Variants in MYCBP2 observed in about 807,000 individuals in gnomAD.
MYCBP2 encodes MYC binding protein 2, also known as E3 ubiquitin-protein ligase MYCBP2.
A neutral mutation model predicts 525.3 loss-of-function variants in MYCBP2; 120 were observed. That is an observed-to-expected ratio of 0.23 (90% CI 0.20 to 0.27). The LOEUF is 0.27. MYCBP2 is among the 10% of genes least tolerant of loss of function. The pLI, the probability that MYCBP2 is intolerant of heterozygous loss-of-function variation, is 1.00. For synonymous variants in MYCBP2, 1,894 were observed against 1,955.8 expected, an observed-to-expected ratio of 0.97 and a Z score of 0.83; for missense variants, 4,149 against 5,657.1, an observed-to-expected ratio of 0.73 and a Z score of 8.55.
intron 14 of MYCBP2, among the ~76,000 whole-genome samples, chr13:77,256,524 A>G (rs1451067316): frequency 6.6e-6 from 1 of 152,108 alleles, no homozygotes; most frequent in Non-Finnish European, 1.5e-5. Context: ...ATTCACAAAT[A>G]TAACGTCAAA....
chr13:77,216,110 C>T (rs990451743), intron 21 of MYCBP2, among the ~76,000 whole-genome samples: 3 of 152,036 alleles, frequency 2.0e-5, no homozygotes, highest in African/African-American at 7.3e-5. Flanking sequence ...AAAGGAAGCA[C>T]TCCAAAAAAT....
chr13:77,168,277 C>T, intron 40 of MYCBP2, 151 bp downstream of exon 40: 1 of 602,074 alleles, frequency 1.7e-6, no homozygotes, highest in South Asian at 2.3e-5. Context: ...TTTTATATAT[C>T]CAACAGTGCC....
chr13:77,204,080 A>C (rs1593851019), intron 26 of MYCBP2, among the ~76,000 whole-genome samples: 2 of 149,972 alleles, frequency 1.3e-5, no homozygotes, highest in East Asian at 3.9e-4. Flanking sequence ...TCTGCACAGC[A>C]AAAGAAACTA....
chr13:77,105,039 T>C (rs2047643442), intron 55 of MYCBP2, among the ~76,000 whole-genome samples: 1 of 152,084 alleles, frequency 6.6e-6, no homozygotes, highest in Non-Finnish European at 1.5e-5. Context: ...AGGAGGGTGA[T>C]ACAATTCTTC....
intron 61 of MYCBP2, among the ~76,000 whole-genome samples, chr13:77,088,487 A>G (rs1851714760): frequency 6.6e-6 from 1 of 152,136 alleles, no homozygotes; most frequent in African/African-American, 2.4e-5. Flanking sequence ...CTTACCACTC[A>G]AAAGCCCTAC....
At chr13:77,188,869 T>C in intron 30 of MYCBP2, 82 bp downstream of exon 30, 1 of 882,452 alleles carries the variant, frequency 1.1e-6, no homozygotes, top group South Asian at 2.2e-5. Flanking sequence ...AAGATAAACT[T>C]ACAAGAGCAG....
At position 77,264,036 on chromosome 13, in the gene MYCBP2, C is replaced by G. The variant is rs751015033; in HGVS notation, c.1358-34G>C. ...AAGAAAAAGTATTTATATTACAATA[C>G]AAGCAAACACCTTGCAAAATGAATT... On this transcript the variant is annotated intron_variant, in intron 8 of 82. Coordinates refer to ENST00000544440, the MANE Select transcript of MYCBP2 (RefSeq NM_015057.5). 40 of 1,554,828 alleles carry G rather than the reference C, an allele frequency of 2.6e-5. 1 individual carries two copies. Among genetic ancestry groups the G allele is most frequent in the Middle Eastern group, 1.9e-4 (1 of 5,250 alleles).
At position 77,181,818 on chromosome 13, in the gene MYCBP2, A is replaced by C. The variant is rs1219036045; in HGVS notation, c.4824T>G (p.Ile1608Met). The C allele has an allele frequency of 4.3e-6, 7 of 1,614,138 alleles. No individual in the cohort carries two copies. In the Admixed American group the frequency reaches 1.2e-4, roughly 27 times the overall value. The part of the protein sequence containing the change: ...TSVKLTSIFP[I>M]AYDGEVLLRS... The stretch of plus-strand genomic sequence containing the variant: ...GTAGTAATACTTCTCCATCATACGC[A>C]ATCGGGAAGATGGAAGTCAGCTTAA... The change falls in exon 33 of 83, where the codon ATT becomes ATG. Residue 1608 changes from isoleucine (I) to methionine (M), a missense_variant. Ile to Met is a conservative substitution (Grantham distance 10). This residue lies in a region of MYCBP2 where 292 missense variants were observed against 330.5 expected (regional missense o/e 0.88). Coordinates refer to ENST00000544440, the MANE Select transcript of MYCBP2 (RefSeq NM_015057.5).
intron 47 of MYCBP2, among the ~76,000 whole-genome samples, chr13:77,146,800 T>G (rs764920850): frequency 2.0e-5 from 3 of 152,204 alleles, no homozygotes; most frequent in Non-Finnish European, 4.4e-5. Context: ...CAGCACCTGC[T>G]ACTTTCATAC....
At chr13:77,089,648 T>C (rs868306845) in intron 60 of MYCBP2, among the ~76,000 whole-genome samples, 2,598 of 147,016 alleles carry the variant, frequency 0.018, 49 homozygotes, top group African/African-American at 0.046. Context: ...CATGTAACTG[T>C]TTTTTTTTTT....
In MYCBP2 at chr13:77,138,066, G is replaced by A. The variant is rs148227333; in HGVS notation, c.7659+1130C>T. 8.5e-5 allele frequency among the ~76,000 whole-genome samples: 13 copies of A among 152,164 alleles called. No individual in the cohort carries two copies. In the East Asian group the frequency reaches 1.5e-3, roughly 18 times the overall value. ...AAATCTGAGGAAAATTTAATAAGAC[G>A]TAATTGATGTAATTTTTTAATTTAA... is the stretch of plus-strand genomic sequence containing the variant. On this transcript the variant is annotated intron_variant, in intron 52 of 82. Coordinates refer to ENST00000544440, the MANE Select transcript of MYCBP2 (RefSeq NM_015057.5).
chr13:77,169,321 G>A (rs180920398), intron 39 of MYCBP2, among the ~76,000 whole-genome samples: 2 of 151,196 alleles, frequency 1.3e-5, no homozygotes, highest in Non-Finnish European at 3.0e-5. Flanking sequence ...GCGTGAACCC[G>A]GAAGGCGGAG....
chr13:77,318,003 T>TAACATAACATAACATAACATAAC (rs2081174064), intron 1 of MYCBP2, among the ~76,000 whole-genome samples: 1 of 143,690 alleles, frequency 7.0e-6, no homozygotes, highest in Non-Finnish European at 1.5e-5. Flanking sequence ...TAACATAACA[T>TAACATAACATAACATAACATAAC]AACAGTGGGT....
At chr13:77,127,481 T>G (rs944093877) in intron 52 of MYCBP2, among the ~76,000 whole-genome samples, 1 of 151,934 alleles carries the variant, frequency 6.6e-6, no homozygotes, top group Admixed American at 6.6e-5. Flanking sequence ...TCATTACTCC[T>G]TTAAAAGAGA....
At chr13:77,168,401 C>A in intron 40 of MYCBP2, 27 bp downstream of exon 40, 1 of 1,596,344 alleles carries the variant, frequency 6.3e-7, no homozygotes, top group Non-Finnish European at 8.6e-7. Flanking sequence ...GTTTTACATT[C>A]GAATCACACT....
chr13:77,282,377 T>C (rs1357446698), intron 3 of MYCBP2, among the ~76,000 whole-genome samples: 1 of 151,504 alleles, frequency 6.6e-6, no homozygotes, highest in Non-Finnish European at 1.5e-5. Flanking sequence ...GCCACTGCAC[T>C]TCAGCCTGGG....
At chr13:77,131,410 G>C (rs770000639) in intron 52 of MYCBP2, among the ~76,000 whole-genome samples, 1 of 151,696 alleles carries the variant, frequency 6.6e-6, no homozygotes, top group Non-Finnish European at 1.5e-5. Context: ...TCACAGCTAC[G>C]TGGGAAGCTG....
chr13:77,270,085 G>A, intron 6 of MYCBP2, 22 bp from the exon 7 acceptor site: 1 of 1,573,522 alleles, frequency 6.4e-7, no homozygotes, highest in South Asian at 1.2e-5. Flanking sequence ...ACAAAAGTTA[G>A]TATATCAGTG....
intron 8 of MYCBP2, 93 bp downstream of exon 8, chr13:77,267,745 CTAT>C: frequency 1.1e-6 from 1 of 949,948 alleles, no homozygotes; most frequent in Admixed American, 2.0e-5. Flanking sequence ...TAAGCAAGCA[CTAT>C]CCCTTGCTAA....
Sources: gnomAD v4.1 joint callset for allele counts (sites outside exome capture counted in the v4.1 genomes callset) on GRCh38, gnomAD v4.1.1 for gene constraint, gnomAD v4.1.1 regional missense constraint, MANE v1.5 for transcripts, NCBI Gene and HGNC (gene_info 2026-07-23, HGNC 2026-07-21) for gene names.